NRXN1: variants seen among roughly 807,000 people sequenced by gnomAD.
NRXN1 encodes the protein neurexin 1.
In NRXN1, 39 loss-of-function variants were observed where a neutral mutation model predicts 150.9. That is an observed-to-expected ratio of 0.26 (90% CI 0.20 to 0.34). The LOEUF (loss-of-function observed/expected upper bound fraction) is 0.34. NRXN1 is among the 10% of genes least tolerant of loss of function. The pLI, the probability that NRXN1 is intolerant of heterozygous loss-of-function variation, is 1.00. For missense variants in NRXN1, 1,815 were observed against 1,949.9 expected (o/e 0.93, Z 1.30); for synonymous variants, 924 against 757.0 (o/e 1.22, Z -3.62).
chr2:50,519,451 T>C (rs768977923), intron 12 of NRXN1, among the ~76,000 whole-genome samples: 13 of 151,984 alleles, frequency 8.6e-5, no homozygotes, highest in Non-Finnish European at 1.5e-4. Flanking sequence ...GCTCACCTTA[T>C]GCTCCAGGAA....
chr2:50,671,574 T>A (rs983011552), intron 5 of NRXN1, among the ~76,000 whole-genome samples: 1 of 151,782 alleles, frequency 6.6e-6, no homozygotes, highest in African/African-American at 2.4e-5. Context: ...GCACTTTTTA[T>A]AACTAAATAT....
At chr2:50,944,162 G>A (rs185732661) in intron 2 of NRXN1, among the ~76,000 whole-genome samples, 142 of 152,282 alleles carry the variant, frequency 9.3e-4, no homozygotes, top group African/African-American at 3.3e-3. Flanking sequence ...ATAAAAGCAG[G>A]ACTATGTATT....
At chr2:50,411,743 C>T (rs1349742381) in intron 17 of NRXN1, among the ~76,000 whole-genome samples, 4 of 150,754 alleles carry the variant, frequency 2.7e-5, no homozygotes, top group Admixed American at 6.6e-5. Context: ...AGGTGGGGGG[C>T]GCCTCTGCCC....
intron 8 of NRXN1, among the ~76,000 whole-genome samples, chr2:50,595,667 G>A (rs902708311): frequency 6.6e-6 from 1 of 152,148 alleles, no homozygotes; most frequent in African/African-American, 2.4e-5. Flanking sequence ...CAGGAAGATT[G>A]GAAGGGCTGC....
At chr2:50,216,723 A>G (rs1296043896) in intron 18 of NRXN1, among the ~76,000 whole-genome samples, 1 of 152,050 alleles carries the variant, frequency 6.6e-6, no homozygotes, top group Non-Finnish European at 1.5e-5. Context: ...TTTTCTGCAT[A>G]TGCTAGTTGG....
At chr2:50,663,434 C>G (rs1312337444) in intron 5 of NRXN1, among the ~76,000 whole-genome samples, 1 of 152,028 alleles carries the variant, frequency 6.6e-6, no homozygotes, top group East Asian at 1.9e-4. Flanking sequence ...TTGACCTCCT[C>G]TCCATGATCT....
intron 18 of NRXN1, among the ~76,000 whole-genome samples, chr2:50,168,386 T>C (rs79846292): frequency 2.3e-3 from 345 of 152,346 alleles, no homozygotes; most frequent in Non-Finnish European, 4.1e-3. Flanking sequence ...CATTATACTT[T>C]ACCTTGGCTG....
chr2:50,586,783 T>C (rs1447846384), intron 8 of NRXN1, among the ~76,000 whole-genome samples: 3 of 152,164 alleles, frequency 2.0e-5, no homozygotes, highest in Admixed American at 6.5e-5. Flanking sequence ...TTGAAACCAA[T>C]TTGGGAATGT....
rs1336527907 is a variant in NRXN1 at position 50,010,084 on chromosome 2, A to C, written c.4128+43187T>G. On this transcript the variant is annotated intron_variant, in intron 21 of 22. Transcript: ENST00000401669. ...AATTTGTTTTCTTCTGTCTTGAAAA[A>C]ACAAACCAGGCTTTAATTTACCAAA... 3.3e-5 allele frequency among the ~76,000 whole-genome samples: 5 copies of C among 152,170 alleles called. No homozygotes were observed. In the East Asian group the frequency reaches 9.7e-4, roughly 29 times the overall value.
intron 2 of NRXN1, among the ~76,000 whole-genome samples, chr2:50,970,393 G>A (rs903441002): frequency 2.6e-5 from 4 of 151,994 alleles, no homozygotes; most frequent in African/African-American, 9.7e-5. Context: ...GCCCACAACC[G>A]TATATTTTGT....
chr2:50,115,443 G>A (rs920796893), intron 18 of NRXN1, among the ~76,000 whole-genome samples: 2 of 151,704 alleles, frequency 1.3e-5, no homozygotes, highest in African/African-American at 4.8e-5. Context: ...CAATGTATAT[G>A]TACTTTCTCA....
intron 6 of NRXN1, among the ~76,000 whole-genome samples, chr2:50,621,862 G>A (rs944997511): frequency 6.6e-6 from 1 of 152,146 alleles, no homozygotes; most frequent in Non-Finnish European, 1.5e-5. Flanking sequence ...GAATGGATTT[G>A]TGTTTAATCT....
intron 7 of NRXN1, 24 bp downstream of exon 7, chr2:50,621,202 T>C: frequency 6.4e-7 from 1 of 1,555,496 alleles, no homozygotes; most frequent in Non-Finnish European, 8.7e-7. Context: ...GAATGATATC[T>C]ACCGAACAAT....
chr2:50,337,305 G>A (rs113271970), intron 17 of NRXN1, among the ~76,000 whole-genome samples: 3,269 of 151,902 alleles, frequency 0.022, 129 homozygotes, highest in African/African-American at 0.075. Flanking sequence ...GGCTGGTCTC[G>A]AACTCCCGAC....
intron 17 of NRXN1, among the ~76,000 whole-genome samples, chr2:50,256,608 G>C (rs980248293): frequency 6.6e-6 from 1 of 152,006 alleles, no homozygotes; most frequent in African/African-American, 2.4e-5. Flanking sequence ...TCCTGAGTTG[G>C]ATTCTGCTGA....
At chr2:50,937,228 T>C (rs547186427) in intron 2 of NRXN1, among the ~76,000 whole-genome samples, 14 of 152,288 alleles carry the variant, frequency 9.2e-5, no homozygotes, top group African/African-American at 3.1e-4. Context: ...CATTATATTA[T>C]TATAATTAAT....
chr2:50,976,194 C>CTTTTTTTTTTTTTTTT (rs576892115), intron 2 of NRXN1, among the ~76,000 whole-genome samples: 2 of 139,770 alleles, frequency 1.4e-5, no homozygotes, highest in Non-Finnish European at 1.6e-5. Context: ...TTATGTTATT[C>CTTTTTTTTTTTTTTTT]TTTTTTTTTT....
intron 5 of NRXN1, among the ~76,000 whole-genome samples, chr2:50,686,519 C>A (rs968961120): frequency 1.3e-5 from 2 of 152,174 alleles, no homozygotes; most frequent in South Asian, 4.1e-4. Flanking sequence ...TTCTGCCCAT[C>A]TGCAAAAACA....
At chr2:50,016,393 G>A (rs373810473) in intron 21 of NRXN1, 7 of 152,180 alleles carry the variant, frequency 4.6e-5, no homozygotes, top group African/African-American at 1.7e-4. Context: ...GGTGATGGGG[G>A]AGAAGTGAAA....
Sources: gnomAD v4.1 joint callset for allele counts (sites outside exome capture counted in the v4.1 genomes callset) on GRCh38, gnomAD v4.1.1 for gene constraint, MANE v1.5 for transcripts, NCBI Gene and HGNC (gene_info 2026-07-23, HGNC 2026-07-21) for gene names.